Variants in TTC4 observed in about 807,000 individuals in gnomAD.
TTC4 encodes the protein hsp70/Hsp90 co-chaperone CNS1 homolog.
Under a neutral mutation model 51.9 loss-of-function variants are expected in TTC4, and 36 were observed. The observed-to-expected ratio is 0.69, with a 90% CI of 0.53 to 0.92. TTC4 has a LOEUF of 0.92. TTC4 is among the 40% of genes least tolerant of loss of function. The pLI, the probability that TTC4 is intolerant of heterozygous loss-of-function variation, is 0.00. For synonymous variants in TTC4, 144 were observed against 164.2 expected, an observed-to-expected ratio of 0.88 and a Z score of 0.94; for missense variants, 399 against 454.6, an observed-to-expected ratio of 0.88 and a Z score of 1.11.
chr1:54,729,366 G>T (rs1279533037), intron 6 of TTC4, among the ~76,000 whole-genome samples: 1 of 152,196 alleles, frequency 6.6e-6, no homozygotes, highest in Non-Finnish European at 1.5e-5. Flanking sequence ...CCTGCTTTGG[G>T]TTAAGTGTTA....
intron 9 of TTC4, among the ~76,000 whole-genome samples, chr1:54,739,727 A>G (rs74553070): frequency 0.023 from 3,527 of 152,352 alleles, 146 homozygotes; most frequent in African/African-American, 0.081. Context: ...AAAGAGCCCA[A>G]TGTATTAGTG....
chr1:54,728,664 T>TA (rs1260813569), intron 6 of TTC4, among the ~76,000 whole-genome samples: 2 of 152,216 alleles, frequency 1.3e-5, no homozygotes, highest in Admixed American at 1.3e-4. Flanking sequence ...TGTCTCCACT[T>TA]ACCTGAAGCA....
At chr1:54,726,022 GAA>G (rs1645795409) in intron 5 of TTC4, among the ~76,000 whole-genome samples, 1 of 152,206 alleles carries the variant, frequency 6.6e-6, no homozygotes, top group Admixed American at 6.5e-5. Flanking sequence ...TAGAAGGAGA[GAA>G]GAGAGAGAAT....
At chr1:54,736,083 G>A (rs1478848871) in intron 8 of TTC4, among the ~76,000 whole-genome samples, 1 of 151,462 alleles carries the variant, frequency 6.6e-6, no homozygotes, top group Admixed American at 6.6e-5. Context: ...TAAGTGTATC[G>A]ATTAATACAA....
Position 54,731,540 on chromosome 1 carries a change from G to C in TTC4, c.736G>C (p.Glu246Gln), listed in dbSNP as rs757909900. 6.2e-7 allele frequency: 1 copy of C among 1,614,038 alleles called. No homozygotes were observed. Among genetic ancestry groups the C allele is most frequent in the South Asian group, 1.1e-5 (1 of 91,080 alleles). Reference protein sequence around the residue: ...AACEDEDSASEGLGELFLDGL... With the variant: ...AACEDEDSASQGLGELFLDGL... Reference sequence around the variant, plus strand: ...CTGTGAGGATGAAGATTCAGCCTCAGAAGGTCTAGGTGAGCTTTTCCTGGA... The same window carrying C: ...CTGTGAGGATGAAGATTCAGCCTCACAAGGTCTAGGTGAGCTTTTCCTGGA... Residue 246 changes from glutamate (E) to glutamine (Q), a missense_variant, in exon 7 of 10, where the codon GAA becomes CAA. This residue lies in a region of TTC4 where 316 missense variants were observed against 349.6 expected (regional missense o/e 0.90). Coordinates refer to ENST00000371281, the MANE Select transcript of TTC4 (RefSeq NM_004623.5).
chr1:54,730,298 G>C (rs1170976363), intron 6 of TTC4, among the ~76,000 whole-genome samples: 8 of 76,958 alleles, frequency 1.0e-4, no homozygotes, highest in African/African-American at 3.2e-4. Context: ...TTTTTTTTTT[G>C]GTTCTCTTCT....
chr1:54,738,225 C>T (rs1432290194), intron 9 of TTC4, among the ~76,000 whole-genome samples: 1 of 152,172 alleles, frequency 6.6e-6, no homozygotes, highest in Non-Finnish European at 1.5e-5. Flanking sequence ...TTCAAAGCAT[C>T]AGATCTCGTG....
In TTC4 at chr1:54,741,406, G is replaced by T. The variant is rs756566488; in HGVS notation, c.1062-5G>T. 3.9e-5 allele frequency: 63 copies of T among 1,612,358 alleles called. No individual in the cohort carries two copies. The South Asian group carries it at 6.7e-4, about 17-fold the overall frequency. The stretch of plus-strand genomic sequence containing the variant: ...ACACCCTCTCTTTTGTTGTGTTCAC[G>T]GCAGGTACTTTGTAAAAGCCCTGAC... On this transcript the variant is annotated splice_polypyrimidine_tract_variant and splice_region_variant and intron_variant, in intron 9 of 9. Transcript: ENST00000371281.
chr1:54,731,792 G>A, intron 7 of TTC4, 92 bp downstream of exon 7: 1 of 1,228,774 alleles, frequency 8.1e-7, no homozygotes, highest in Non-Finnish European at 1.1e-6. Context: ...GTTGAGAAGG[G>A]AAGATAATGG....
At chr1:54,722,544 A>C in intron 4 of TTC4, 131 bp from the exon 5 acceptor site, 6 of 1,310,152 alleles carry the variant, frequency 4.6e-6, no homozygotes, top group Non-Finnish European at 6.3e-6. Flanking sequence ...GGACTGCAGT[A>C]TAAGGGGCAT....
intron 3 of TTC4, among the ~76,000 whole-genome samples, chr1:54,720,610 G>A (rs543311723): frequency 5.3e-4 from 80 of 150,970 alleles, no homozygotes; most frequent in African/African-American, 1.9e-3. Context: ...TCTTTTTAAT[G>A]GCTGCATAGT....
chr1:54,718,778 GT>G (rs1026691298), intron 3 of TTC4, among the ~76,000 whole-genome samples: 2 of 151,508 alleles, frequency 1.3e-5, no homozygotes, highest in African/African-American at 2.4e-5. Flanking sequence ...AGACCTGTGG[GT>G]TTTTTTTAAA....
rs769871614 is a variant in TTC4 at position 54,737,681 on chromosome 1, C to T, written c.1061+17C>T. 2.1e-5 allele frequency: 34 copies of T among 1,610,116 alleles called. No homozygotes were observed. Among genetic ancestry groups the T allele is most frequent in the Middle Eastern group, 2.1e-4 (1 of 4,710 alleles). The stretch of plus-strand genomic sequence containing the variant: ...GCACCAGAGGTGAGTCATCTCATGG[C>T]GCTGAGTAGATTGGGGAAGATGCTC... On this transcript the variant is annotated intron_variant, in intron 9 of 9. Transcript: ENST00000371281.
In TTC4 at chr1:54,733,747, A is replaced by ATTTTTT. The variant is rs371403281; in HGVS notation, c.978+58_978+63dup. Reference sequence around the variant, plus strand: ...TTTATTTCGTTCCTCTATGGAATTAATTTTTTTTTTTTTTTTTTTTTTTTT... The same window carrying ATTTTTT: ...TTTATTTCGTTCCTCTATGGAATTAATTTTTTTTTTTTTTTTTTTTTTTTTTTTTTT... On this transcript the variant is annotated intron_variant, in intron 8 of 9. Coordinates refer to ENST00000371281, the MANE Select transcript of TTC4 (RefSeq NM_004623.5). 32 of 799,274 alleles carry ATTTTTT rather than the reference A, an allele frequency of 4.0e-5. No individual in the cohort carries two copies. In the African/African-American group the frequency reaches 7.6e-4, roughly 19 times the overall value. 49.5% of individuals were successfully genotyped at this position (799,274 alleles called of 1,614,324 possible).
At chr1:54,722,617 A>G (rs1570038595) in intron 4 of TTC4, 58 bp from the exon 5 acceptor site, 3 of 1,598,208 alleles carry the variant, frequency 1.9e-6, no homozygotes, top group East Asian at 4.5e-5. Flanking sequence ...GATCTTGCCC[A>G]AAGCAGGTTC....
intron 3 of TTC4, among the ~76,000 whole-genome samples, chr1:54,720,887 G>A (rs185440064): frequency 1.3e-3 from 203 of 151,804 alleles, no homozygotes; most frequent in African/African-American, 4.7e-3. Context: ...GATATTATTT[G>A]TCTAACTTTT....
chr1:54,739,037 A>AT (rs557597436), intron 9 of TTC4, among the ~76,000 whole-genome samples: 3,670 of 144,466 alleles, frequency 0.025, 49 homozygotes, highest in Non-Finnish European at 0.036. Flanking sequence ...CTTATTTTGA[A>AT]TTTTTTTTTT....
chr1:54,742,439 T>C lies in TTC4; in HGVS notation c.*926T>C, dbSNP rs532160978. The C allele has an allele frequency of 6.6e-6, 1 of 152,352 alleles. No individual in the cohort carries two copies. The highest frequency in any genetic ancestry group is 1.9e-4 in the East Asian group (1 of 5,176). 9.4% of individuals were successfully genotyped at this position (152,352 alleles called of 1,614,324 possible). ...CGTCTGACAGAAGCCTGAAGAGTCA[T>C]GTGTGGTTGGCCTGTGCTCTTCCCT... On this transcript the variant is annotated 3_prime_UTR_variant, in exon 10 of 10. Transcript: ENST00000371281.
At chr1:54,725,553 AT>A (rs1198079462) in intron 5 of TTC4, among the ~76,000 whole-genome samples, 1 of 152,206 alleles carries the variant, frequency 6.6e-6, no homozygotes, top group Non-Finnish European at 1.5e-5. Flanking sequence ...GCTTGGGTGA[AT>A]GCTAAAAATG....
Sources: gnomAD v4.1 joint callset for allele counts (sites outside exome capture counted in the v4.1 genomes callset) on GRCh38, gnomAD v4.1.1 for gene constraint, gnomAD v4.1.1 regional missense constraint, MANE v1.5 for transcripts, NCBI Gene and HGNC (gene_info 2026-07-23, HGNC 2026-07-21) for gene names.